The following TMCO6 variants were observed in gnomAD, a reference collection of about 807,000 sequenced individuals.
The protein encoded by TMCO6 is transmembrane and coiled-coil domains 6, also known as transmembrane and coiled-coil domain-containing protein 6.
Under a neutral mutation model 61.8 loss-of-function variants are expected in TMCO6, and 47 were observed. The ratio of observed to expected loss-of-function variants is 0.76; its 90% CI spans 0.60 to 0.97. The LOEUF (loss-of-function observed/expected upper bound fraction) is 0.97. TMCO6 is among the 50% of genes least tolerant of loss of function. The pLI is 0.00. For synonymous variants in TMCO6, 261 were observed against 254.2 expected (o/e 1.03, Z -0.25); for missense variants, 557 against 601.6 (o/e 0.93, Z 0.78).
the TMCO6 span, among the ~76,000 whole-genome samples, chr5:140,631,350 TGA>T: frequency 2.6e-5 from 4 of 151,806 alleles, no homozygotes; most frequent in South Asian, 8.3e-4. Context: ...TGTGTGTGTG[TGA>T]GAGAGAGAAA....
the TMCO6 span, among the ~76,000 whole-genome samples, chr5:140,614,524 A>T: frequency 3.9e-5 from 6 of 152,098 alleles, no homozygotes; most frequent in Non-Finnish European, 5.9e-5. Flanking sequence ...AACAACAACA[A>T]CAACAACAAA....
the TMCO6 span, among the ~76,000 whole-genome samples, chr5:140,596,619 G>A: frequency 2.6e-5 from 4 of 152,166 alleles, no homozygotes; most frequent in African/African-American, 7.2e-5. Flanking sequence ...TTCTGTGAAT[G>A]CAACATCCAG....
chr5:140,640,000 G>A (rs1362155190), intron 2 of TMCO6, 149 bp downstream of exon 2: 2 of 664,184 alleles, frequency 3.0e-6, no homozygotes, highest in Non-Finnish European at 5.4e-6. Flanking sequence ...GAATCATCCT[G>A]CACAACTCTT....
At chr5:140,604,370 G>A in the TMCO6 span, among the ~76,000 whole-genome samples, 553 of 151,796 alleles carry the variant, frequency 3.6e-3, 2 homozygotes, top group African/African-American at 0.013. Context: ...CTCCAGACTG[G>A]GCAACACAGT....
upstream of TMCO6, among the ~76,000 whole-genome samples, chr5:140,638,283 G>C (rs5744438): frequency 0.015 from 2,260 of 152,250 alleles, 33 homozygotes; most frequent in Non-Finnish European, 0.023. Context: ...ATGTGGGCAC[G>C]TAAAAGAAAG....
chr5:140,646,507 G>A (rs1003417558), downstream of TMCO6, among the ~76,000 whole-genome samples: 1 of 152,028 alleles, frequency 6.6e-6, no homozygotes, highest in Non-Finnish European at 1.5e-5. Flanking sequence ...ATCTGCTTAA[G>A]GTGGTCACTC....
At chr5:140,620,247 A>G in the TMCO6 span, among the ~76,000 whole-genome samples, 1 of 152,244 alleles carries the variant, frequency 6.6e-6, no homozygotes, top group Admixed American at 6.5e-5. Context: ...ACTTAGATCC[A>G]TATTACTAAG....
At chr5:140,597,539 G>A in the TMCO6 span, among the ~76,000 whole-genome samples, 3 of 152,136 alleles carry the variant, frequency 2.0e-5, no homozygotes, top group Non-Finnish European at 2.9e-5. Flanking sequence ...CAAAGTGTTA[G>A]CATAATATTG....
chr5:140,645,530 C>G, downstream of TMCO6: 2 of 1,604,384 alleles, frequency 1.2e-6, no homozygotes, highest in Non-Finnish European at 1.7e-6. Context: ...TCACATTATA[C>G]TAAGTCCAGC....
the TMCO6 span, among the ~76,000 whole-genome samples, chr5:140,617,494 T>C: frequency 2.0e-5 from 3 of 152,098 alleles, no homozygotes; most frequent in Non-Finnish European, 4.4e-5. Context: ...GAGGTTGCAT[T>C]TAGCCGAGAT....
At chr5:140,639,364 C>T (rs1756866375), upstream of TMCO6, 1 of 653,874 alleles carries the variant, frequency 1.5e-6, no homozygotes, top group Non-Finnish European at 2.6e-6. Flanking sequence ...CCCCGCGAGG[C>T]GTCCACTCGC....
At chr5:140,604,459 A>G in the TMCO6 span, among the ~76,000 whole-genome samples, 1 of 151,592 alleles carries the variant, frequency 6.6e-6, no homozygotes, top group Non-Finnish European at 1.5e-5. Context: ...AGTTCTTTAT[A>G]TATACTGCAT....
the TMCO6 span, chr5:140,633,310 A>C: frequency 1.6e-6 from 1 of 618,140 alleles, no homozygotes. Flanking sequence ...TATTGCAATG[A>C]AGGATGTTTC....
the TMCO6 span, among the ~76,000 whole-genome samples, chr5:140,598,211 G>GC: frequency 2.1e-5 from 3 of 144,488 alleles, no homozygotes; most frequent in African/African-American, 7.6e-5. Flanking sequence ...ATTTTATTTG[G>GC]TTTTTTTTTT....
the TMCO6 span, among the ~76,000 whole-genome samples, chr5:140,605,393 C>A: frequency 6.6e-6 from 1 of 152,038 alleles, no homozygotes; most frequent in African/African-American, 2.4e-5. Flanking sequence ...AAAGTGGCAT[C>A]TTTAGGCCAG....
the TMCO6 span, among the ~76,000 whole-genome samples, chr5:140,619,448 C>T: frequency 6.6e-6 from 1 of 152,146 alleles, no homozygotes; most frequent in African/African-American, 2.4e-5. Flanking sequence ...ACTTTACCCT[C>T]ATACAATGGT....
In TMCO6 at chr5:140,641,764, C is replaced by T. The variant is rs1757048685; in HGVS notation, c.298C>T (p.Gln100Ter). The T allele has an allele frequency of 6.2e-7, 1 of 1,614,110 alleles. No individual in the cohort carries two copies. The highest frequency in any genetic ancestry group is 8.5e-7 in the Non-Finnish European group (1 of 1,180,054). Residue 100 changes from glutamine (Q) to a stop codon, truncating the protein, a stop_gained, in exon 3 of 12, where the codon CAG becomes TAG. Coordinates refer to ENST00000394671, the MANE Select transcript of TMCO6 (RefSeq NM_018502.5). LOFTEE classifies it high-confidence loss of function. ...TCGAGGCTTGCAGCACCCTGAAACA[C>T]AGCAAACCTTCATCCGGTCAGTGTG... ...LRRGLQHPETQQTFIRLEGSM... is the reference protein window; with the variant it reads ...LRRGLQHPET
At chr5:140,632,541 C>A in the TMCO6 span, 1 of 1,614,158 alleles carries the variant, frequency 6.2e-7, no homozygotes, top group South Asian at 1.1e-5. The surrounding 1 kb of genome is among the most constrained non-coding windows in gnomAD (Gnocchi z 6.2). Context: ...GTTGCGTAGG[C>A]GCAAGCTGGA....
downstream of TMCO6, chr5:140,647,722 T>G: frequency 7.6e-7 from 1 of 1,322,856 alleles, no homozygotes; most frequent in Non-Finnish European, 1.1e-6. Flanking sequence ...ATAAAAGTAT[T>G]GTAGGACCGC....
Sources: allele counts gnomAD v4.1 joint callset (sites outside exome capture counted in the v4.1 genomes callset), GRCh38; gene constraint gnomAD v4.1.1; non-coding constraint Gnocchi (gnomAD v3.1); transcripts MANE v1.5; gene names NCBI Gene and HGNC (gene_info 2026-07-23, HGNC 2026-07-21).